FKBP5: variants seen among roughly 807,000 people sequenced by gnomAD.
FKBP5 encodes the protein FKBP prolyl isomerase 5.
A neutral mutation model predicts 50.5 loss-of-function variants in FKBP5; 23 were observed. The ratio of observed to expected loss-of-function variants is 0.46; its 90% CI spans 0.33 to 0.65. FKBP5 has a LOEUF of 0.65. Ranked by LOEUF, FKBP5 falls within the 30% of genes least tolerant of loss-of-function variation. The pLI is 0.02. For synonymous variants in FKBP5, 176 were observed against 190.6 expected, an observed-to-expected ratio of 0.92 and a Z score of 0.63; for missense variants, 411 against 553.1, an observed-to-expected ratio of 0.74 and a Z score of 2.58.
At chr6:35,662,552 G>A (rs1350951719) in intron 1 of FKBP5, among the ~76,000 whole-genome samples, 2 of 151,700 alleles carry the variant, frequency 1.3e-5, no homozygotes, top group Non-Finnish European at 2.9e-5. Flanking sequence ...CCAAAGTGCT[G>A]GGATTACAGA....
chr6:35,611,492 G>A (rs1169760835), intron 5 of FKBP5, among the ~76,000 whole-genome samples: 3 of 152,178 alleles, frequency 2.0e-5, no homozygotes, highest in Admixed American at 1.3e-4. Context: ...CAGACGATGT[G>A]AGAGACTGGG....
At chr6:35,676,741 TAA>T (rs1215806545) in intron 1 of FKBP5, among the ~76,000 whole-genome samples, 1 of 152,202 alleles carries the variant, frequency 6.6e-6, no homozygotes. Context: ...AGTAATTACT[TAA>T]ACTGGGTCTT....
Position 35,640,631 on chromosome 6 carries a change from CT to C in FKBP5, c.105+2088del, listed in dbSNP as rs544570289. The stretch of plus-strand genomic sequence containing the variant: ...TACTATAACATTTTTACTGTGTAAA[CT>C]TTTTTTTTAGCTTTGACTCTTGTAA... On this transcript the variant is annotated intron_variant, in intron 2 of 10. Coordinates refer to ENST00000357266, the MANE Select transcript of FKBP5 (RefSeq NM_004117.4). Among the ~76,000 whole-genome samples the C allele has an allele frequency of 4.4e-4, 66 of 151,328 alleles. 1 individual carries two copies. The highest frequency in any genetic ancestry group is 1.4e-3 in the African/African-American group (58 of 41,268).
chr6:35,681,299 T>C (rs1401738352), intron 1 of FKBP5, among the ~76,000 whole-genome samples: 1 of 152,222 alleles, frequency 6.6e-6, no homozygotes, highest in African/African-American at 2.4e-5. Flanking sequence ...CTTGCAACTT[T>C]TCTGTAAGTT....
Position 35,723,072 on chromosome 6 carries a change from A to G in FKBP5, c.-240-2524T>C, listed in dbSNP as rs1766643206. On this transcript the variant is annotated intron_variant, in intron 1 of 11. Coordinates refer to the FKBP5 transcript ENST00000536438. ...CACAGTGAAACGCCATCTCTACTAA[A>G]AATACAAAAAATTAGCTGGGCGTGG... 2.0e-5 allele frequency among the ~76,000 whole-genome samples: 3 copies of G among 152,160 alleles called. No individual in the cohort carries two copies. In the South Asian group the frequency reaches 6.2e-4, roughly 32 times the overall value.
intron 2 of FKBP5, among the ~76,000 whole-genome samples, chr6:35,711,730 G>A (rs933202992): frequency 3.3e-5 from 5 of 152,116 alleles, no homozygotes; most frequent in Admixed American, 2.6e-4. Flanking sequence ...CATTACACAG[G>A]TAAACATTTG....
upstream of FKBP5, among the ~76,000 whole-genome samples, chr6:35,691,627 C>G (rs902077242): frequency 6.6e-6 from 1 of 152,090 alleles, no homozygotes; most frequent in Non-Finnish European, 1.5e-5. Context: ...TTCCACAGTT[C>G]CGATGGCAGC....
intron 8 of FKBP5, chr6:35,582,545 A>C: frequency 1.8e-6 from 1 of 557,150 alleles, no homozygotes; most frequent in Non-Finnish European, 2.3e-6. Context: ...GCTACAAGGA[A>C]CCAGAGGAGA....
Position 35,633,378 on chromosome 6 carries a change from A to C in FKBP5, c.250+3636T>G, listed in dbSNP as rs544667066. 1.2e-4 allele frequency among the ~76,000 whole-genome samples: 18 copies of C among 152,122 alleles called. No individual in the cohort carries two copies. In the East Asian group the frequency reaches 3.5e-3, roughly 29 times the overall value. ...GGCAACATGGTGAAACCCTGTCTCT[A>C]CTAAAACACAAAAAATTAGCCAAGC... On this transcript the variant is annotated intron_variant, in intron 3 of 10. Transcript: ENST00000357266.
rs1302887288 is a variant in FKBP5, at chr6:35,658,707, A to C, written c.-19-15864T>G. ...TAAACCAACCTTGGATACCTGGAAT[A>C]AACCCTATTTGGTCACTGTATTTTA... On this transcript the variant is annotated intron_variant, in intron 1 of 10. Transcript: ENST00000357266. Among the ~76,000 whole-genome samples, 2 of 20,840 alleles carry C rather than the reference A, an allele frequency of 9.6e-5. 1 individual carries two copies. Among genetic ancestry groups the C allele is most frequent in the Non-Finnish European group, 2.7e-4 (2 of 7,446 alleles). The allele number at this position is 20,840 out of a possible 152,430, so 13.7% of individuals were successfully genotyped here.
At chr6:35,672,263 G>GA (rs368433999) in intron 1 of FKBP5, among the ~76,000 whole-genome samples, 12 of 151,794 alleles carry the variant, frequency 7.9e-5, no homozygotes, top group South Asian at 2.1e-4. Flanking sequence ...GAAAAGGGGG[G>GA]AAAAAATCCC....
At chr6:35,722,334 A>G (rs762422562) in intron 1 of FKBP5, among the ~76,000 whole-genome samples, 35 of 152,210 alleles carry the variant, frequency 2.3e-4, no homozygotes, top group South Asian at 4.1e-4. Flanking sequence ...TGAATGAATG[A>G]GCTTTGGAAA....
chr6:35,720,123 C>A (rs967492961), intron 2 of FKBP5, among the ~76,000 whole-genome samples: 1 of 152,226 alleles, frequency 6.6e-6, no homozygotes, highest in Admixed American at 6.5e-5. Context: ...TGCACCCCCA[C>A]CCCCAGCTGC....
At chr6:35,639,690 A>C (rs1425898402) in intron 2 of FKBP5, among the ~76,000 whole-genome samples, 2 of 152,234 alleles carry the variant, frequency 1.3e-5, no homozygotes, top group Non-Finnish European at 2.9e-5. Context: ...TAAAGCCCTT[A>C]TTCTATAGCT....
At chr6:35,650,503 T>C (rs984271972) in intron 1 of FKBP5, among the ~76,000 whole-genome samples, 2 of 151,966 alleles carry the variant, frequency 1.3e-5, no homozygotes, top group Non-Finnish European at 2.9e-5. Flanking sequence ...AGACAGACTC[T>C]TGCTCTGTTG....
At chr6:35,624,827 T>C (rs1245293187) in intron 3 of FKBP5, among the ~76,000 whole-genome samples, 1 of 152,136 alleles carries the variant, frequency 6.6e-6, no homozygotes, top group Non-Finnish European at 1.5e-5. Context: ...GTGTGCATCC[T>C]CCCTCACAAG....
chr6:35,705,258 ATTTTTTTTTTTTTT>A lies in FKBP5; in HGVS notation c.-20+15056_-20+15069del, dbSNP rs199875825. 1.3e-3 allele frequency among the ~76,000 whole-genome samples: 10 copies of A among 7,766 alleles called. No homozygotes were observed. In the African/African-American group the frequency reaches 0.015, roughly 12 times the overall value. The allele number at this position is 7,766 out of a possible 152,430, so 5.1% of individuals were successfully genotyped here. ...TATATATATATATATATATATATAT[ATTTTTTTTTTTTTT>A]TTTTTTTTTTTGGAGACAGTGTCTC... On this transcript the variant is annotated intron_variant, in intron 2 of 11. Coordinates refer to the FKBP5 transcript ENST00000536438.
intron 3 of FKBP5, among the ~76,000 whole-genome samples, chr6:35,623,208 C>T (rs2150979660): frequency 6.6e-6 from 1 of 152,350 alleles, no homozygotes; most frequent in South Asian, 2.1e-4. Flanking sequence ...CGCCACTGCA[C>T]TCCAGCCTGG....
intron 3 of FKBP5, 96 bp downstream of exon 3, chr6:35,636,918 T>A (rs73748205): frequency 0.036 from 43,499 of 1,192,414 alleles, 2,279 homozygotes; most frequent in African/African-American, 0.24. Flanking sequence ...ACTCTAAAAT[T>A]TCTTTACTTT....
Sources: gnomAD v4.1 joint callset for allele counts (sites outside exome capture counted in the v4.1 genomes callset) on GRCh38, gnomAD v4.1.1 for gene constraint, MANE v1.5 for transcripts, NCBI Gene and HGNC (gene_info 2026-07-23, HGNC 2026-07-21) for gene names.